Variants in PMS1 observed in about 807,000 individuals in gnomAD.
PMS1 encodes the protein PMS1 homolog 1, mismatch repair system component.
In PMS1, 79 loss-of-function variants were observed where a neutral mutation model predicts 93.1. The observed-to-expected ratio is 0.85, with a 90% CI of 0.71 to 1.02. The LOEUF (loss-of-function observed/expected upper bound fraction) is 1.02. Ranked by LOEUF, PMS1 falls within the 50% of genes least tolerant of loss-of-function variation. The pLI, the probability that PMS1 is intolerant of heterozygous loss-of-function variation, is 0.00. For missense variants in PMS1, 1,064 were observed against 1,085.3 expected (o/e 0.98, Z 0.28); for synonymous variants, 335 against 363.4 (o/e 0.92, Z 0.89).
chr2:189,831,766 T>C (rs2052955797), intron 5 of PMS1, among the ~76,000 whole-genome samples: 1 of 152,146 alleles, frequency 6.6e-6, no homozygotes, highest in African/African-American at 2.4e-5. Context: ...GGCTGGATAG[T>C]ATTTATTTTT....
At chr2:189,840,702 A>G (rs2053751237) in intron 5 of PMS1, among the ~76,000 whole-genome samples, 2 of 152,212 alleles carry the variant, frequency 1.3e-5, no homozygotes, top group African/African-American at 4.8e-5. Context: ...ATCCTTAGGT[A>G]TAAGGATCTG....
At chr2:189,811,446 A>T (rs1192954845) in intron 4 of PMS1, among the ~76,000 whole-genome samples, 1 of 151,900 alleles carries the variant, frequency 6.6e-6, no homozygotes, top group East Asian at 1.9e-4. Context: ...AAATTACCCA[A>T]TTTTTTTGTG....
intron 5 of PMS1, among the ~76,000 whole-genome samples, chr2:189,842,067 G>A (rs2053861040): frequency 6.6e-6 from 1 of 150,706 alleles, no homozygotes. Context: ...TGAAACACTT[G>A]TTTCAGAAAA....
chr2:189,870,934 C>T (rs1030136), intron 11 of PMS1, among the ~76,000 whole-genome samples: 15,806 of 152,178 alleles, frequency 0.1, 1,179 homozygotes, highest in East Asian at 0.2. Flanking sequence ...GTGTAAGACT[C>T]AGGTAGACCT....
At position 189,824,077 on chromosome 2, in the gene PMS1, CT is replaced by C. The variant is rs149191108; in HGVS notation, c.582+5898del. Among the ~76,000 whole-genome samples the C allele has an allele frequency of 1.9e-3, 294 of 152,242 alleles. 1 individual carries two copies. The highest frequency in any genetic ancestry group is 6.9e-3 in the African/African-American group (286 of 41,552). ...CACTTGTCTTATCTGTGAATTATAA[CT>C]GTTCCTTTGTTAAAAACACCTAAGA... On this transcript the variant is annotated intron_variant, in intron 5 of 12. Transcript: ENST00000441310.
chr2:189,786,291 A>G (rs1373093812), intron 1 of PMS1, among the ~76,000 whole-genome samples: 3 of 152,204 alleles, frequency 2.0e-5, no homozygotes, highest in Admixed American at 6.5e-5. Flanking sequence ...GGGCAGCAAC[A>G]TGATGAAATT....
At chr2:189,845,237 G>A (rs1409716289) in intron 6 of PMS1, among the ~76,000 whole-genome samples, 2 of 151,740 alleles carry the variant, frequency 1.3e-5, no homozygotes, top group African/African-American at 2.4e-5. Flanking sequence ...AAACTTGTAT[G>A]GACTATAAAA....
chr2:189,792,688 AATATATATATATAT>A (rs3067428), intron 2 of PMS1, among the ~76,000 whole-genome samples: 43 of 127,260 alleles, frequency 3.4e-4, no homozygotes, highest in Non-Finnish European at 6.0e-4. Flanking sequence ...TATGGACACA[AATATATATATATAT>A]ATATATATAT....
intron 5 of PMS1, among the ~76,000 whole-genome samples, chr2:189,830,012 TC>T (rs1382631138): frequency 3.3e-5 from 5 of 152,196 alleles, no homozygotes; most frequent in Non-Finnish European, 1.5e-5. Flanking sequence ...TTTAATTAGT[TC>T]CCATCTCATT....
intron 9 of PMS1, among the ~76,000 whole-genome samples, chr2:189,856,765 G>C (rs2055379761): frequency 6.6e-6 from 1 of 152,124 alleles, no homozygotes; most frequent in Admixed American, 6.6e-5. Flanking sequence ...TTATCTTGCT[G>C]ACTGTTCCTT....
intron 5 of PMS1, among the ~76,000 whole-genome samples, chr2:189,829,283 G>A (rs770509736): frequency 2.2e-4 from 33 of 152,072 alleles, no homozygotes; most frequent in Non-Finnish European, 4.0e-4. Flanking sequence ...TAAATATACC[G>A]TAGACCTTGT....
intron 4 of PMS1, among the ~76,000 whole-genome samples, chr2:189,817,522 TA>T (rs1433746494): frequency 1.3e-5 from 2 of 152,182 alleles, no homozygotes; most frequent in African/African-American, 4.8e-5. Context: ...AACTATAAGT[TA>T]AAAAAATTCT....
intron 4 of PMS1, among the ~76,000 whole-genome samples, chr2:189,813,290 A>G (rs2051000744): frequency 1.3e-5 from 2 of 152,216 alleles, no homozygotes; most frequent in Admixed American, 1.3e-4. Flanking sequence ...CCCAAGGAAG[A>G]AGATAATGAG....
Position 189,877,285 on chromosome 2 carries a change from G to A in PMS1, c.2648G>A (p.Arg883His), listed in dbSNP as rs377603311. The change falls in exon 13 of 13, where the codon CGT becomes CAT. Residue 883 changes from arginine (R) to histidine (H), a missense_variant. Physicochemically the swap from Arg to His is conservative, Grantham distance 29. Transcript: ENST00000441310. ...VISYLEGEAVRLSRQLPMYLS... is the reference protein window; with the variant it reads ...VISYLEGEAVHLSRQLPMYLS... The stretch of plus-strand genomic sequence containing the variant: ...CCCTTTGGACAGGGAGAAGCAGTGC[G>A]TCTATCCAGACAATTACCCATGTAC... The A allele has an allele frequency of 4.2e-5, 68 of 1,613,400 alleles. No individual in the cohort carries two copies. The highest frequency in any genetic ancestry group is 3.3e-4 in the Middle Eastern group (2 of 6,082).
Position 189,863,800 on chromosome 2 carries a change from C to T in PMS1, c.1914C>T (p.Ala638=). Residue 638 remains alanine, a synonymous_variant, in exon 10 of 13, where the codon GCC becomes GCT. Coordinates refer to ENST00000441310, the MANE Select transcript of PMS1 (RefSeq NM_000534.5). ...GATACAATAGTCAAATGAAGAGAGC[C>T]ATTGAACAGGAGTCACAAATGTCAC... The part of the protein sequence containing the change: ...LERYNSQMKR[A]IEQESQMSLK... 6.2e-7 allele frequency: 1 copy of T among 1,611,384 alleles called. No homozygotes were observed. The highest frequency in any genetic ancestry group is 8.5e-7 in the Non-Finnish European group (1 of 1,177,700).
chr2:189,855,181 T>C, intron 9 of PMS1, 53 bp downstream of exon 9: 1 of 1,441,984 alleles, frequency 6.9e-7, no homozygotes, highest in Admixed American at 1.7e-5. Flanking sequence ...TTCCATTCTA[T>C]ATGACTCACT....
chr2:189,791,756 A>T, intron 1 of PMS1, 34 bp from the exon 2 acceptor site: 1 of 1,557,674 alleles, frequency 6.4e-7, no homozygotes, highest in East Asian at 2.2e-5. Flanking sequence ...AGGAATGCTT[A>T]ACAATTCTTA....
At chr2:189,786,328 G>A (rs1244639830) in intron 1 of PMS1, among the ~76,000 whole-genome samples, 1 of 152,144 alleles carries the variant, frequency 6.6e-6, no homozygotes, top group East Asian at 1.9e-4. Context: ...CCTATAGGTG[G>A]TTGAGATTCG....
chr2:189,877,048 T>C (rs2057634771), intron 12 of PMS1, among the ~76,000 whole-genome samples: 1 of 152,232 alleles, frequency 6.6e-6, no homozygotes, highest in African/African-American at 2.4e-5. Flanking sequence ...TTGTCTGTTT[T>C]CTGTTTCTCT....
Sources: gnomAD v4.1 joint callset for allele counts (sites outside exome capture counted in the v4.1 genomes callset) on GRCh38, gnomAD v4.1.1 for gene constraint, MANE v1.5 for transcripts, NCBI Gene and HGNC (gene_info 2026-07-23, HGNC 2026-07-21) for gene names.